The following FADS1 variants were observed in gnomAD, a reference collection of about 807,000 sequenced individuals.
FADS1 encodes fatty acid desaturase 1.
FADS1 carries 17 observed loss-of-function variants against 61.6 expected under a neutral mutation model. That is an observed-to-expected ratio of 0.28 (90% CI 0.19 to 0.41). The LOEUF is 0.41. Among genes scored for constraint, FADS1 ranks in the 10% least tolerant of loss-of-function variants. The pLI, the probability that FADS1 is intolerant of heterozygous loss-of-function variation, is 1.00. For missense variants in FADS1, 387 were observed against 650.9 expected, an observed-to-expected ratio of 0.59 and a Z score of 4.41; for synonymous variants, 238 against 258.7, an observed-to-expected ratio of 0.92 and a Z score of 0.77.
chr11:61,805,091 T>C (rs908017880), intron 6 of FADS1: 1 of 454,146 alleles, frequency 2.2e-6, no homozygotes, highest in Non-Finnish European at 3.9e-6. Flanking sequence ...TTATTTTTCA[T>C]TTTTCTTCTC....
chr11:61,816,460 T>G lies in FADS1; in HGVS notation c.375+95A>C, dbSNP rs2066984687. On this transcript the variant is annotated intron_variant, in intron 1 of 11. Transcript: ENST00000350997. The surrounding 1 kb of genome is among the most constrained non-coding windows in gnomAD (Gnocchi z 7.0). ...AGGCGCCTCCGGGCTTTCCTCCGAA[T>G]TAGTCGGTGTTTGGCTCGGAGTGCG... 1 of 1,600,510 alleles carries G rather than the reference T, an allele frequency of 6.2e-7. No homozygotes were observed. The highest frequency in any genetic ancestry group is 2.2e-5 in the East Asian group (1 of 44,874).
In FADS1 at chr11:61,801,010, A is replaced by G. The variant is rs2066852293; in HGVS notation, c.*1401T>C. 6.6e-6 allele frequency: 1 copy of G among 152,378 alleles called. No homozygotes were observed. The highest frequency in any genetic ancestry group is 1.5e-5 in the Non-Finnish European group (1 of 68,036). The allele number at this position is 152,378 out of a possible 1,614,324, so 9.4% of individuals were successfully genotyped here. On this transcript the variant is annotated 3_prime_UTR_variant, in exon 12 of 12. Transcript: ENST00000350997. ...TCCAGAAGAGTTAGATACTTGAACA[A>G]GAGTGGACAGAGTAAGATACCTAGC...
At chr11:61,806,501 A>G (rs984974735) in intron 6 of FADS1, 163 bp downstream of exon 6, 34 of 651,538 alleles carry the variant, frequency 5.2e-5, no homozygotes, top group Non-Finnish European at 9.1e-5. Context: ...CTCAGCTGAG[A>G]TGGCAAACTG....
chr11:61,811,157 T>TC, intron 3 of FADS1, 82 bp from the exon 4 acceptor site: 1 of 978,436 alleles, frequency 1.0e-6, no homozygotes, highest in Non-Finnish European at 1.6e-6. Context: ...CTTCAGCCTC[T>TC]CCCACTTCCT....
At chr11:61,811,526 G>A (rs996889166) in intron 3 of FADS1, among the ~76,000 whole-genome samples, 3 of 151,790 alleles carry the variant, frequency 2.0e-5, no homozygotes, top group Non-Finnish European at 2.9e-5. Context: ...GGCTGGTCTC[G>A]AACTCCTGAC....
At position 61,801,607 on chromosome 11, in the gene FADS1, G is replaced by A. The variant is rs2066855978; in HGVS notation, c.*804C>T. The A allele has an allele frequency of 6.6e-6, 1 of 152,414 alleles. No individual in the cohort carries two copies. The highest frequency in any genetic ancestry group is 1.5e-5 in the Non-Finnish European group (1 of 68,098). 9.4% of individuals were successfully genotyped at this position (152,414 alleles called of 1,614,324 possible). On this transcript the variant is annotated 3_prime_UTR_variant, in exon 12 of 12. Coordinates refer to ENST00000350997, the MANE Select transcript of FADS1 (RefSeq NM_013402.7). ...AGAGCCAAAAGACCCCAATACCACA[G>A]TCTTGACCTTTGCCCTGCCTGCTTC...
chr11:61,810,592 T>C (rs983010137), intron 5 of FADS1, 159 bp downstream of exon 5: 1 of 821,570 alleles, frequency 1.2e-6, no homozygotes, highest in Non-Finnish European at 2.0e-6. Context: ...CCCCCATCTA[T>C]TGCCTGTTGC....
At chr11:61,807,379 T>C (rs1280138803) in intron 5 of FADS1, among the ~76,000 whole-genome samples, 1 of 152,156 alleles carries the variant, frequency 6.6e-6, no homozygotes, top group South Asian at 2.1e-4. Context: ...CCATCGTACT[T>C]TTTCACACCA....
chr11:61,816,676 C>G lies in FADS1; in HGVS notation c.254G>C (p.Arg85Pro), dbSNP rs1229572600. 3 of 1,591,914 alleles carry G rather than the reference C, an allele frequency of 1.9e-6. No individual in the cohort carries two copies. Among genetic ancestry groups the G allele is most frequent in the Non-Finnish European group, 2.6e-6 (3 of 1,170,044 alleles). Residue 85 changes from arginine (R) to proline (P), a missense_variant, in exon 1 of 12, where the codon CGC becomes CCC. Physicochemically the swap from Arg to Pro is moderately radical, Grantham distance 103. Around this residue, in one of 2 missense-constraint regions of FADS1, gnomAD observed 257 missense variants for 533.3 expected, o/e 0.48. Transcript: ENST00000350997. This position sits in a 1 kb window ranked among gnomAD's most constrained non-coding sequence, Gnocchi z 7.0. ...RYFTWDEVAQ[R>P]SGCEERWLVI... ...TAGCCACCGCTCCTCGCACCCTGAG[C>G]GCTGGGCCACCTCGTCCCAGGTGAA...
In FADS1 at chr11:61,802,858, T is replaced by C. The variant is rs934021221; in HGVS notation, c.1397A>G (p.Lys466Arg). The change falls in exon 11 of 12, where the codon AAG becomes AGG. Residue 466 changes from lysine to arginine, a missense_variant. Coordinates refer to ENST00000350997, the MANE Select transcript of FADS1 (RefSeq NM_013402.7). The surrounding 1 kb of genome is among the most constrained non-coding windows in gnomAD (Gnocchi z 4.2). ...VAPLVQSLCA[K>R]HGIEYQSKPL... Reference sequence around the variant, plus strand: ...CTTGGACTGGTACTCTATGCCATGCTTGGCACACAAGGACTGCACCAGGGG... The same window carrying C: ...CTTGGACTGGTACTCTATGCCATGCCTGGCACACAAGGACTGCACCAGGGG... The C allele has an allele frequency of 6.2e-7, 1 of 1,614,184 alleles. No individual in the cohort carries two copies. Among genetic ancestry groups the C allele is most frequent in the Non-Finnish European group, 8.5e-7 (1 of 1,180,006 alleles).
intron 1 of FADS1, chr11:61,814,672 C>T (rs555668546): frequency 6.6e-6 from 1 of 152,280 alleles, no homozygotes; most frequent in African/African-American, 2.4e-5. Flanking sequence ...GGGTGGCCAG[C>T]TTTTATTGTC....
At chr11:61,807,097 C>T (rs1178790639) in intron 5 of FADS1, among the ~76,000 whole-genome samples, 4 of 152,168 alleles carry the variant, frequency 2.6e-5, no homozygotes, top group Admixed American at 6.5e-5. Context: ...GACGGAGTCT[C>T]GCTCTTGTTG....
rs1212670935 is a variant in FADS1, at chr11:61,800,515, C to A, written c.*1896G>T. Reference sequence around the variant, plus strand: ...CTTCCATGTCTTTGTGTTGACAAACCTAACCTTCCATGTCTTTTTGTTGAC... The same window carrying A: ...CTTCCATGTCTTTGTGTTGACAAACATAACCTTCCATGTCTTTTTGTTGAC... On this transcript the variant is annotated 3_prime_UTR_variant, in exon 12 of 12. Coordinates refer to ENST00000350997, the MANE Select transcript of FADS1 (RefSeq NM_013402.7). The A allele has an allele frequency of 6.6e-6, 1 of 152,312 alleles. No individual in the cohort carries two copies. The highest frequency in any genetic ancestry group is 1.5e-5 in the Non-Finnish European group (1 of 68,046). The allele number at this position is 152,312 out of a possible 1,614,324, so 9.4% of individuals were successfully genotyped here.
rs2066849385 is a variant in FADS1, at chr11:61,800,530, T to C, written c.*1881A>G. On this transcript the variant is annotated 3_prime_UTR_variant, in exon 12 of 12. Transcript: ENST00000350997. The stretch of plus-strand genomic sequence containing the variant: ...GTTGACAAACCTAACCTTCCATGTC[T>C]TTTTGTTGACAAACCTCTAACCTTC... 1 of 152,362 alleles carries C rather than the reference T, an allele frequency of 6.6e-6. No homozygotes were observed. Among genetic ancestry groups the C allele is most frequent in the African/African-American group, 2.4e-5 (1 of 41,434 alleles). 9.4% of individuals were successfully genotyped at this position (152,362 alleles called of 1,614,324 possible). A position where few individuals can be genotyped will look rare whatever the true frequency, so the allele number is the denominator to read the frequency against.
In FADS1 at chr11:61,803,130, GGA is replaced by G; in HGVS notation, c.1249-21_1249-20del. 1 of 1,613,132 alleles carries G rather than the reference GGA, an allele frequency of 6.2e-7. No individual in the cohort carries two copies. The highest frequency in any genetic ancestry group is 8.5e-7 in the Non-Finnish European group (1 of 1,179,160). On this transcript the variant is annotated intron_variant, in intron 9 of 11. Coordinates refer to ENST00000350997, the MANE Select transcript of FADS1 (RefSeq NM_013402.7). This position sits in a 1 kb window ranked among gnomAD's most constrained non-coding sequence, Gnocchi z 4.3. ...CCTGGAGCTGGCGGAAAAGGTCAGG[GGA>G]GAGCATGTTGAATATCAGATGGAAA... is the stretch of plus-strand genomic sequence containing the variant.
chr11:61,803,663 A>T lies in FADS1; in HGVS notation c.1151+7T>A. ...ACCAGTCCCTATCCGCCCCCACCGA[A>T]TACTACCTGACTATGAAGAAAAGGC... On this transcript the variant is annotated splice_region_variant and intron_variant, in intron 8 of 11. Transcript: ENST00000350997. This position sits in a 1 kb window ranked among gnomAD's most constrained non-coding sequence, Gnocchi z 4.3. The T allele has an allele frequency of 6.2e-7, 1 of 1,608,442 alleles. No individual in the cohort carries two copies. The highest frequency in any genetic ancestry group is 8.5e-7 in the Non-Finnish European group (1 of 1,174,836).
chr11:61,805,156 TCTTA>T (rs1378120227), intron 6 of FADS1: 1 of 302,922 alleles, frequency 3.3e-6, no homozygotes, highest in Non-Finnish European at 6.0e-6. Flanking sequence ...GCTAATACTC[TCTTA>T]CTTACCTTGG....
intron 2 of FADS1, 45 bp from the exon 3 acceptor site, chr11:61,812,713 C>A: frequency 6.4e-7 from 1 of 1,555,892 alleles, no homozygotes; most frequent in Non-Finnish European, 8.8e-7. Flanking sequence ...ATCTGCACCC[C>A]AATGCTACTG....
chr11:61,813,894 G>GA (rs952489382), intron 1 of FADS1, among the ~76,000 whole-genome samples: 1 of 151,424 alleles, frequency 6.6e-6, no homozygotes, highest in Admixed American at 6.6e-5. Context: ...GAACCCCGGG[G>GA]GAGGGCGGAG....
Sources: allele counts gnomAD v4.1 joint callset (sites outside exome capture counted in the v4.1 genomes callset), GRCh38; gene constraint gnomAD v4.1.1; regional missense constraint gnomAD v4.1.1; non-coding constraint Gnocchi (gnomAD v3.1); transcripts MANE v1.5; gene names NCBI Gene and HGNC (gene_info 2026-07-23, HGNC 2026-07-21).